BMAL2: variants seen among roughly 807,000 people sequenced by gnomAD.
BMAL2 encodes the protein basic helix-loop-helix ARNT like 2.
the BMAL2 span, among the ~76,000 whole-genome samples, chr12:27,376,658 T>G: frequency 6.6e-6 from 1 of 152,142 alleles, no homozygotes; most frequent in Non-Finnish European, 1.5e-5. Flanking sequence ...GAAAAATTGA[T>G]CAATGACTTA....
At chr12:27,416,278 T>C in the BMAL2 span, among the ~76,000 whole-genome samples, 1 of 152,112 alleles carries the variant, frequency 6.6e-6, no homozygotes, top group African/African-American at 2.4e-5. Context: ...CTTAAATACA[T>C]AAACAAAAAC....
At chr12:27,413,195 C>T in the BMAL2 span, among the ~76,000 whole-genome samples, 1 of 152,098 alleles carries the variant, frequency 6.6e-6, no homozygotes, top group Non-Finnish European at 1.5e-5. Flanking sequence ...AAATATAAAA[C>T]TTTCTGTAAA....
chr12:27,359,267 A>G, the BMAL2 span, among the ~76,000 whole-genome samples: 3 of 152,336 alleles, frequency 2.0e-5, no homozygotes, highest in South Asian at 2.1e-4. Context: ...TGCAAGAACA[A>G]TGAAACACAG....
chr12:27,376,950 G>A, the BMAL2 span, among the ~76,000 whole-genome samples: 6 of 128,134 alleles, frequency 4.7e-5, no homozygotes, highest in East Asian at 2.4e-4. Context: ...GCAGTGAGCC[G>A]AAATCGCGCC....
the BMAL2 span, among the ~76,000 whole-genome samples, chr12:27,412,058 CT>C: frequency 6.6e-6 from 1 of 152,148 alleles, no homozygotes; most frequent in East Asian, 1.9e-4. Flanking sequence ...CAGCTTCATT[CT>C]TTTGCATGTG....
At chr12:27,355,361 A>G in the BMAL2 span, among the ~76,000 whole-genome samples, 1 of 152,172 alleles carries the variant, frequency 6.6e-6, no homozygotes, top group Non-Finnish European at 1.5e-5. Context: ...TTCACCTCTG[A>G]ATCCCCAAGT....
the BMAL2 span, among the ~76,000 whole-genome samples, chr12:27,381,979 A>G: frequency 6.6e-6 from 1 of 152,334 alleles, no homozygotes; most frequent in Admixed American, 6.5e-5. Flanking sequence ...GGTAATGGAA[A>G]TTATCTGGGC....
At chr12:27,397,758 G>T in the BMAL2 span, among the ~76,000 whole-genome samples, 1 of 152,200 alleles carries the variant, frequency 6.6e-6, no homozygotes, top group African/African-American at 2.4e-5. Flanking sequence ...TTGTGAAATC[G>T]CAGGCTGATG....
chr12:27,350,614 T>C, the BMAL2 span, among the ~76,000 whole-genome samples: 10,377 of 152,308 alleles, frequency 0.068, 472 homozygotes, highest in Non-Finnish European at 0.1. Flanking sequence ...GGAATAGTGA[T>C]ATAAATTTAT....
At chr12:27,351,901 T>C in the BMAL2 span, among the ~76,000 whole-genome samples, 4 of 152,216 alleles carry the variant, frequency 2.6e-5, no homozygotes, top group African/African-American at 7.2e-5. Flanking sequence ...TACATTATAT[T>C]GTAAAACTAA....
the BMAL2 span, among the ~76,000 whole-genome samples, chr12:27,340,305 A>G: frequency 7.9e-5 from 12 of 152,166 alleles, no homozygotes; most frequent in East Asian, 2.1e-3. Flanking sequence ...GTTCAGTTTC[A>G]GTCTTTTGCA....
At chr12:27,394,106 A>T in the BMAL2 span, among the ~76,000 whole-genome samples, 2 of 152,004 alleles carry the variant, frequency 1.3e-5, no homozygotes, top group African/African-American at 2.4e-5. Context: ...TAAGTTTAAA[A>T]TTTTTTGTAG....
At chr12:27,402,803 G>A in the BMAL2 span, 7 of 836,520 alleles carry the variant, frequency 8.4e-6, no homozygotes, top group Non-Finnish European at 1.2e-5. Context: ...TGCAGGTTGG[G>A]TTATAGGAAT....
chr12:27,403,359 G>A, the BMAL2 span: 1 of 1,012,792 alleles, frequency 9.9e-7, no homozygotes. Context: ...CTTTTAAGGA[G>A]AGAACTGTGA....
At chr12:27,408,865 C>G in the BMAL2 span, among the ~76,000 whole-genome samples, 1 of 152,162 alleles carries the variant, frequency 6.6e-6, no homozygotes, top group Admixed American at 6.5e-5. Context: ...AGCCCAAAAT[C>G]GCCTTAAGCT....
At chr12:27,418,965 C>G in the BMAL2 span, among the ~76,000 whole-genome samples, 1 of 64,844 alleles carries the variant, frequency 1.5e-5, no homozygotes, top group Non-Finnish European at 3.7e-5. Context: ...GGCAGCAGAA[C>G]AAGACTCCAT....
the BMAL2 span, among the ~76,000 whole-genome samples, chr12:27,383,228 G>T: frequency 6.6e-6 from 1 of 152,206 alleles, no homozygotes; most frequent in Non-Finnish European, 1.5e-5. Flanking sequence ...GTGAGATAGG[G>T]ATGCATTTGC....
the BMAL2 span, chr12:27,387,208 A>T: frequency 6.6e-7 from 1 of 1,517,308 alleles, no homozygotes; most frequent in Non-Finnish European, 9.1e-7. Flanking sequence ...TAAAATATTC[A>T]CTTTTTTTTT....
chr12:27,398,958 T>G, the BMAL2 span, among the ~76,000 whole-genome samples: 2 of 152,160 alleles, frequency 1.3e-5, no homozygotes, highest in Non-Finnish European at 2.9e-5. Context: ...TCTGGGTTGT[T>G]AGGGGGAGGT....
Sources: allele counts gnomAD v4.1 joint callset (sites outside exome capture counted in the v4.1 genomes callset), GRCh38; gene constraint gnomAD v4.1.1; transcripts MANE v1.5; gene names NCBI Gene and HGNC (gene_info 2026-07-23, HGNC 2026-07-21).